Variants in DCUN1D5 observed in about 807,000 individuals in gnomAD.
The protein encoded by DCUN1D5 is defective in cullin neddylation 1 domain containing 5.
Under a neutral mutation model 38.3 loss-of-function variants are expected in DCUN1D5, and 10 were observed. The observed-to-expected ratio is 0.26, with a 90% CI of 0.16 to 0.44. The LOEUF is 0.44. Ranked by LOEUF, DCUN1D5 falls within the 20% of genes least tolerant of loss-of-function variation. DCUN1D5 has a pLI of 1.00. For missense variants in DCUN1D5, 148 were observed against 275.3 expected, an observed-to-expected ratio of 0.54 and a Z score of 3.27; for synonymous variants, 93 against 90.9, an observed-to-expected ratio of 1.02 and a Z score of -0.13.
intron 4 of DCUN1D5, among the ~76,000 whole-genome samples, chr11:103,068,649 CAAAG>C (rs1862195179): frequency 6.6e-6 from 1 of 151,860 alleles, no homozygotes; most frequent in Admixed American, 6.6e-5. Flanking sequence ...CTTATGAACA[CAAAG>C]AAGGAAACAA....
In DCUN1D5 at chr11:103,091,824, C is replaced by T. The variant is rs1381434397; in HGVS notation, c.49G>A (p.Ala17Thr). ...CACTTTTTGAGGCCTCCGTCTTCCG[C>T]TACTGCTGCTGCCACCCCAGGGGAT... ...RKSPGVAAAV[A>T]EDGGLKKCKI... The change falls in exon 1 of 8, where the codon GCG becomes ACG. Residue 17 changes from alanine to threonine, a missense_variant. Transcript: ENST00000260247. The surrounding 1 kb of genome is among the most constrained non-coding windows in gnomAD (Gnocchi z 4.3). 6.2e-7 allele frequency: 1 copy of T among 1,614,002 alleles called. No homozygotes were observed. Among genetic ancestry groups the T allele is most frequent in the African/African-American group, 1.3e-5 (1 of 74,956 alleles).
chr11:103,073,191 C>T lies in DCUN1D5; in HGVS notation c.342-6624G>A, dbSNP rs1862323301. On this transcript the variant is annotated intron_variant, in intron 4 of 7. Transcript: ENST00000260247. The surrounding 1 kb of genome is among the most constrained non-coding windows in gnomAD (Gnocchi z 4.2). ...TAATTCTAACAAAAGATGTACAGGA[C>T]GTATATGCCGAAAACTACACAAAAC... is the stretch of plus-strand genomic sequence containing the variant. Among the ~76,000 whole-genome samples the T allele has an allele frequency of 2.0e-5, 3 of 151,626 alleles. No homozygotes were observed. The highest frequency in any genetic ancestry group is 4.1e-4 in the South Asian group (2 of 4,824).
At position 103,061,490 on chromosome 11, in the gene DCUN1D5, G is replaced by A. The variant is rs1240042674; in HGVS notation, c.*869C>T. Reference sequence around the variant, plus strand: ...AACGTAAATGGCTCTATTGAGTTGTGCACAATTAATTATACCCAGAGTTCT... The same window carrying A: ...AACGTAAATGGCTCTATTGAGTTGTACACAATTAATTATACCCAGAGTTCT... On this transcript the variant is annotated 3_prime_UTR_variant, in exon 8 of 8. Transcript: ENST00000260247. 2.6e-5 allele frequency among the ~76,000 whole-genome samples: 4 copies of A among 151,302 alleles called. No homozygotes were observed. Among genetic ancestry groups the A allele is most frequent in the Admixed American group, 2.0e-4 (3 of 15,150 alleles).
At position 103,089,309 on chromosome 11, in the gene DCUN1D5, T is replaced by C. The variant is rs1338295647; in HGVS notation, c.96A>G (p.Arg32=). The change falls in exon 2 of 8, where the codon AGA becomes AGG. Residue 32 remains arginine, a synonymous_variant. Transcript: ENST00000260247. Reference sequence around the variant, plus strand: ...TTATTAGTCTAGCAGGGGGTTGGGATCTGCAATAGCTTAGAAAACACACAG... The same window carrying C: ...TTATTAGTCTAGCAGGGGGTTGGGACCTGCAATAGCTTAGAAAACACACAG... The part of the protein sequence containing the change: ...LKKCKISSYC[R]SQPPARLISG... 6.2e-7 allele frequency: 1 copy of C among 1,605,108 alleles called. No homozygotes were observed. Among genetic ancestry groups the C allele is most frequent in the East Asian group, 2.2e-5 (1 of 44,802 alleles).
rs1861732367 is a variant in DCUN1D5, at chr11:103,051,505, C to CCCG, written c.*10853_*10854insCGG. 1 of 17,334 alleles carries CCCG rather than the reference C, an allele frequency of 5.8e-5. No individual in the cohort carries two copies. The highest frequency in any genetic ancestry group is 1.2e-4 in the African/African-American group (1 of 8,210). The allele number at this position is 17,334 out of a possible 1,614,324, so 1.1% of individuals were successfully genotyped here. On this transcript the variant is annotated 3_prime_UTR_variant, in exon 8 of 8. Coordinates refer to ENST00000260247, the MANE Select transcript of DCUN1D5 (RefSeq NM_032299.4). Reference sequence around the variant, plus strand: ...TGGTGGCTTCACATATTTACTTCCCCCCCCCCCCCGCCACCCCTGTGTTAA... The same window carrying CCCG: ...TGGTGGCTTCACATATTTACTTCCCCCCGCCCCCCCCCGCCACCCCTGTGTTAA...
At chr11:103,074,500 G>A (rs949324001) in intron 4 of DCUN1D5, among the ~76,000 whole-genome samples, 8 of 152,114 alleles carry the variant, frequency 5.3e-5, no homozygotes, top group South Asian at 2.1e-4. Context: ...CCACCTCCCC[G>A]GTTCAAGCGA....
rs1239129987 is a variant in DCUN1D5 at position 103,060,099 on chromosome 11, A to G, written c.*2260T>C. ...ACAAAGGAAAGACAGGAAGGGACAC[A>G]GCCCACACCCTGACTGATGAATTAG... On this transcript the variant is annotated 3_prime_UTR_variant, in exon 8 of 8. Transcript: ENST00000260247. 6.6e-6 allele frequency among the ~76,000 whole-genome samples: 1 copy of G among 152,160 alleles called. No homozygotes were observed. Among genetic ancestry groups the G allele is most frequent in the African/African-American group, 2.4e-5 (1 of 41,436 alleles).
chr11:103,081,023 A>G (rs926869800), intron 4 of DCUN1D5, among the ~76,000 whole-genome samples: 2 of 151,756 alleles, frequency 1.3e-5, no homozygotes, highest in Admixed American at 6.6e-5. Flanking sequence ...AAAAAAAAAC[A>G]TGCTCATGGG....
rs71066136 is a variant in DCUN1D5 at position 103,051,501 on chromosome 11, T to TCCCCCCCCCCCCCC, written c.*10857_*10858insGGGGGGGGGGGGGG. 6 of 111,416 alleles carry TCCCCCCCCCCCCCC rather than the reference T, an allele frequency of 5.4e-5. 1 individual carries two copies. The highest frequency in any genetic ancestry group is 6.3e-4 in the East Asian group (2 of 3,168). The allele number at this position is 111,416 out of a possible 1,614,324, so 6.9% of individuals were successfully genotyped here. On this transcript the variant is annotated 3_prime_UTR_variant, in exon 8 of 8. Transcript: ENST00000260247. ...GATTTGGTGGCTTCACATATTTACTTCCCCCCCCCCCCCGCCACCCCTGTG... is the reference window on the plus strand; with the variant it reads ...GATTTGGTGGCTTCACATATTTACTTCCCCCCCCCCCCCCCCCCCCCCCCCCCGCCACCCCTGTG...
rs191219983 is a variant in DCUN1D5, at chr11:103,089,433, G to T, written c.87-115C>A. ...TAAACAAAGGTTTTTTTTTTCTTCG[G>T]TTGGCATTGTTGGAAAAAAACTGAA... is the stretch of plus-strand genomic sequence containing the variant. On this transcript the variant is annotated intron_variant, in intron 1 of 7. Transcript: ENST00000260247. 383 of 834,972 alleles carry T rather than the reference G, an allele frequency of 4.6e-4. 1 individual carries two copies. In the African/African-American group the frequency reaches 5.4e-3, roughly 12 times the overall value. The allele number at this position is 834,972 out of a possible 1,614,324, so 51.7% of individuals were successfully genotyped here.
chr11:103,064,433 C>A lies in DCUN1D5; in HGVS notation c.556-56G>T, dbSNP rs2134602193. On this transcript the variant is annotated intron_variant, in intron 6 of 7. Coordinates refer to ENST00000260247, the MANE Select transcript of DCUN1D5 (RefSeq NM_032299.4). The surrounding 1 kb of genome is among the most constrained non-coding windows in gnomAD (Gnocchi z 4.5). Reference sequence around the variant, plus strand: ...AATATTTAAACAAACATCATTTACTCAATTTAGTAAACTAAGTTTTAACTG... The same window carrying A: ...AATATTTAAACAAACATCATTTACTAAATTTAGTAAACTAAGTTTTAACTG... 3.0e-6 allele frequency: 4 copies of A among 1,321,250 alleles called. No homozygotes were observed. Among genetic ancestry groups the A allele is most frequent in the South Asian group, 1.4e-5 (1 of 70,056 alleles). The allele number at this position is 1,321,250 out of a possible 1,614,324, so 81.8% of individuals were successfully genotyped here. A position where few individuals can be genotyped will look rare whatever the true frequency, so the allele number is the denominator to read the frequency against.
At chr11:103,085,333 G>T (rs1174365896) in intron 2 of DCUN1D5, among the ~76,000 whole-genome samples, 2 of 152,196 alleles carry the variant, frequency 1.3e-5, no homozygotes, top group Non-Finnish European at 2.9e-5. Context: ...AGCTACGCAG[G>T]AGGCTGAGGC....
rs1360889663 is a variant in DCUN1D5, at chr11:103,077,042, C to CA, written c.341+5705dup. 6.6e-6 allele frequency among the ~76,000 whole-genome samples: 1 copy of CA among 151,654 alleles called. No homozygotes were observed. Among genetic ancestry groups the CA allele is most frequent in the Non-Finnish European group, 1.5e-5 (1 of 67,870 alleles). ...TGAAACCCCGTCTCTACTAAAAATACAAAAAAAATTAGCTGGGTGTGGTGG... is the reference window on the plus strand; with the variant it reads ...TGAAACCCCGTCTCTACTAAAAATACAAAAAAAAATTAGCTGGGTGTGGTGG... On this transcript the variant is annotated intron_variant, in intron 4 of 7. Transcript: ENST00000260247. The surrounding 1 kb of genome is among the most constrained non-coding windows in gnomAD (Gnocchi z 4.3).
In DCUN1D5 at chr11:103,051,582, C is replaced by A. The variant is rs543090602; in HGVS notation, c.*10777G>T. On this transcript the variant is annotated 3_prime_UTR_variant, in exon 8 of 8. Coordinates refer to ENST00000260247, the MANE Select transcript of DCUN1D5 (RefSeq NM_032299.4). ...GACATTCCAGTGGCTCCATTATTTT[C>A]ATTAGTCAATATCATTTATTCTTTG... 1.6e-3 allele frequency: 239 copies of A among 145,300 alleles called. No homozygotes were observed. Among genetic ancestry groups the A allele is most frequent in the African/African-American group, 6.0e-3 (233 of 38,720 alleles). 9.0% of individuals were successfully genotyped at this position (145,300 alleles called of 1,614,324 possible).
Position 103,063,054 on chromosome 11 carries a change from C to T in DCUN1D5, c.659-640G>A, listed in dbSNP as rs1165581947. ...AAAGAAATATGCTTGCTTTATTCTT[C>T]TTAAAACACATAATCCTCTGGTGGT... On this transcript the variant is annotated intron_variant, in intron 7 of 7. Coordinates refer to ENST00000260247, the MANE Select transcript of DCUN1D5 (RefSeq NM_032299.4). This position sits in a 1 kb window ranked among gnomAD's most constrained non-coding sequence, Gnocchi z 4.6. Among the ~76,000 whole-genome samples the T allele has an allele frequency of 6.6e-6, 1 of 152,142 alleles. No homozygotes were observed. The highest frequency in any genetic ancestry group is 1.5e-5 in the Non-Finnish European group (1 of 67,988).
chr11:103,092,111 C>A lies in DCUN1D5; in HGVS notation c.-239G>T. On this transcript the variant is annotated 5_prime_UTR_variant, in exon 1 of 8. Coordinates refer to ENST00000260247, the MANE Select transcript of DCUN1D5 (RefSeq NM_032299.4). ...GGTGGACACTGCGGTTCGTTCTCAC[C>A]GGGAGGAGATAACGCGGACAGCGCG... is the stretch of plus-strand genomic sequence containing the variant. 1 of 485,214 alleles carries A rather than the reference C, an allele frequency of 2.1e-6. No individual in the cohort carries two copies. Among genetic ancestry groups the A allele is most frequent in the Non-Finnish European group, 3.6e-6 (1 of 274,160 alleles). The allele number at this position is 485,214 out of a possible 1,614,324, so 30.1% of individuals were successfully genotyped here. A position where few individuals can be genotyped will look rare whatever the true frequency, so the allele number is the denominator to read the frequency against.
In DCUN1D5 at chr11:103,087,394, T is replaced by C. The variant is rs1481081593; in HGVS notation, c.178+1833A>G. Among the ~76,000 whole-genome samples, 2 of 152,182 alleles carry C rather than the reference T, an allele frequency of 1.3e-5. No individual in the cohort carries two copies. The highest frequency in any genetic ancestry group is 4.8e-5 in the African/African-American group (2 of 41,524). On this transcript the variant is annotated intron_variant, in intron 2 of 7. Transcript: ENST00000260247. This position sits in a 1 kb window ranked among gnomAD's most constrained non-coding sequence, Gnocchi z 4.1. ...ACCATGTTAACCAGGATGGTCTCGA[T>C]CTCCTGACCTCGTGATCTGCCTACC... is the stretch of plus-strand genomic sequence containing the variant.
chr11:103,061,190 A>G lies in DCUN1D5; in HGVS notation c.*1169T>C, dbSNP rs188704578. ...ATCAACCTTTACCTTAAATCCTAAT[A>G]GAAACACTCCCTTATTATGGAAAAA... On this transcript the variant is annotated 3_prime_UTR_variant, in exon 8 of 8. Coordinates refer to ENST00000260247, the MANE Select transcript of DCUN1D5 (RefSeq NM_032299.4). Among the ~76,000 whole-genome samples the G allele has an allele frequency of 7.6e-4, 116 of 152,328 alleles. No homozygotes were observed. The highest frequency in any genetic ancestry group is 2.6e-3 in the African/African-American group (108 of 41,586).
At position 103,054,239 on chromosome 11, in the gene DCUN1D5, G is replaced by T. The variant is rs1460335898; in HGVS notation, c.*8120C>A. ...CCAATAACTGCTCTTGAGGAATGGGGTTAAAGTCTGCTTGAAGAAGTAGTG... is the reference window on the plus strand; with the variant it reads ...CCAATAACTGCTCTTGAGGAATGGGTTTAAAGTCTGCTTGAAGAAGTAGTG... On this transcript the variant is annotated 3_prime_UTR_variant, in exon 8 of 8. Coordinates refer to ENST00000260247, the MANE Select transcript of DCUN1D5 (RefSeq NM_032299.4). 1 of 152,128 alleles carries T rather than the reference G, an allele frequency of 6.6e-6. No homozygotes were observed. The highest frequency in any genetic ancestry group is 1.9e-4 in the East Asian group (1 of 5,196). 9.4% of individuals were successfully genotyped at this position (152,128 alleles called of 1,614,324 possible).
Sources: gnomAD v4.1 joint callset for allele counts (sites outside exome capture counted in the v4.1 genomes callset) on GRCh38, gnomAD v4.1.1 for gene constraint, Gnocchi (gnomAD v3.1) non-coding constraint, MANE v1.5 for transcripts, NCBI Gene and HGNC (gene_info 2026-07-23, HGNC 2026-07-21) for gene names.